FYB2: variants seen among roughly 807,000 people sequenced by gnomAD.
FYB2 encodes the protein FYN-binding protein 2.
A neutral mutation model predicts 94.1 loss-of-function variants in FYB2; 103 were observed. That is an observed-to-expected ratio of 1.09 (90% confidence interval 0.93 to 1.29). The LOEUF (loss-of-function observed/expected upper bound fraction) is 1.29, where lower values mean the gene tolerates loss of function less well. FYB2 is among the 50% of genes most tolerant of loss of function. The pLI is 0.00. For missense variants in FYB2, 896 were observed against 841.5 expected (o/e 1.06, Z -0.80); for synonymous variants, 293 against 287.9 (o/e 1.02, Z -0.18).
upstream of FYB2, among the ~76,000 whole-genome samples, chr1:56,819,874 A>G (rs563779672): frequency 6.6e-6 from 1 of 152,284 alleles, no homozygotes; most frequent in South Asian, 2.1e-4. Flanking sequence ...AGGAGTTAAC[A>G]TAAAGGAGCA....
chr1:56,796,541 A>G (rs186655840), intron 1 of FYB2, among the ~76,000 whole-genome samples: 64 of 152,236 alleles, frequency 4.2e-4, no homozygotes, highest in Admixed American at 1.3e-4. Flanking sequence ...CAGCTGTTAG[A>G]CAAACCTCTT....
At chr1:56,821,306 G>A (rs568912509), upstream of FYB2, among the ~76,000 whole-genome samples, 51 of 152,270 alleles carry the variant, frequency 3.3e-4, no homozygotes, top group Non-Finnish European at 6.9e-4. Flanking sequence ...GGAGGTCTGC[G>A]CATTTTGCTT....
Position 56,753,882 on chromosome 1 carries a change from G to C in FYB2, c.1184C>G (p.Pro395Arg). 4 of 1,611,522 alleles carry C rather than the reference G, an allele frequency of 2.5e-6. No homozygotes were observed. Among genetic ancestry groups the C allele is most frequent in the Non-Finnish European group, 3.4e-6 (4 of 1,178,196 alleles). ...ATATGGTTCCTTTTCTGTGTTTTTA[G>C]GTTTCAATTCACATGGTTGTTTTTC... is the stretch of plus-strand genomic sequence containing the variant. ...MKEKQPCELK[P>R]KNTEKEPYSN... The change falls in exon 8 of 20, where the codon CCT becomes CGT. Residue 395 changes from proline (P) to arginine (R), a missense_variant. Transcript: ENST00000343433.
chr1:56,768,320 T>C (rs939165491), intron 4 of FYB2, among the ~76,000 whole-genome samples: 12 of 152,154 alleles, frequency 7.9e-5, no homozygotes, highest in African/African-American at 2.9e-4. Flanking sequence ...AGTCAGAAGG[T>C]AAGTCTGAAC....
chr1:56,780,332 A>C (rs1477050210), intron 4 of FYB2, among the ~76,000 whole-genome samples: 1 of 152,196 alleles, frequency 6.6e-6, no homozygotes, highest in Non-Finnish European at 1.5e-5. Context: ...ATCCCTCTGC[A>C]CAGAAAATGA....
intron 1 of FYB2, among the ~76,000 whole-genome samples, chr1:56,799,361 T>G (rs1291527691): frequency 6.6e-6 from 1 of 152,142 alleles, no homozygotes; most frequent in Non-Finnish European, 1.5e-5. Flanking sequence ...ATATGTCACA[T>G]TTACTTTAGA....
At chr1:56,822,885 G>A (rs116123009), upstream of FYB2, among the ~76,000 whole-genome samples, 2,832 of 151,110 alleles carry the variant, frequency 0.019, 92 homozygotes, top group African/African-American at 0.066. Context: ...GTCAGAGTTA[G>A]GCTGGTGCTG....
chr1:56,746,134 G>A (rs567571353), intron 9 of FYB2, among the ~76,000 whole-genome samples: 4 of 151,240 alleles, frequency 2.6e-5, no homozygotes, highest in Non-Finnish European at 5.9e-5. Context: ...ATTATTTATT[G>A]TCCGTCTCCT....
chr1:56,759,912 C>T (rs373007735), intron 5 of FYB2, among the ~76,000 whole-genome samples: 2 of 152,044 alleles, frequency 1.3e-5, no homozygotes, highest in East Asian at 3.9e-4. Context: ...GAAACACTAT[C>T]TCCACTAAAA....
At chr1:56,808,486 A>G (rs1013683364) in intron 1 of FYB2, among the ~76,000 whole-genome samples, 1 of 152,184 alleles carries the variant, frequency 6.6e-6, no homozygotes, top group African/African-American at 2.4e-5. Flanking sequence ...TACTCCAAGA[A>G]CTTACAAAGC....
At chr1:56,754,855 T>G (rs1645286282) in intron 7 of FYB2, among the ~76,000 whole-genome samples, 1 of 152,064 alleles carries the variant, frequency 6.6e-6, no homozygotes. Flanking sequence ...AACTAAATAA[T>G]GAATCATTTG....
chr1:56,746,302 G>A (rs1365703996), intron 9 of FYB2, among the ~76,000 whole-genome samples: 1 of 151,918 alleles, frequency 6.6e-6, no homozygotes, highest in Non-Finnish European at 1.5e-5. Flanking sequence ...TGAATTTAGT[G>A]CATTACATTT....
intron 8 of FYB2, among the ~76,000 whole-genome samples, chr1:56,753,617 A>G (rs1397278478): frequency 6.6e-6 from 1 of 152,106 alleles, no homozygotes; most frequent in Non-Finnish European, 1.5e-5. Flanking sequence ...GACTTAATCT[A>G]GTCCCAGCCC....
rs931452250 is a variant in FYB2 at position 56,730,350 on chromosome 1, G to A, written c.1794-3767C>T. On this transcript the variant is annotated intron_variant, in intron 15 of 19. Coordinates refer to ENST00000343433, the MANE Select transcript of FYB2 (RefSeq NM_001004303.5). The stretch of plus-strand genomic sequence containing the variant: ...GGAGGGGAGGGGAGAGGGAAGGGGA[G>A]AAGGAAAGGTAAACGGGAGGAGAGG... Among the ~76,000 whole-genome samples the A allele has an allele frequency of 7.8e-5, 9 of 115,398 alleles. 1 individual carries two copies. The highest frequency in any genetic ancestry group is 3.0e-4 in the African/African-American group (9 of 30,268). 75.7% of individuals were successfully genotyped at this position (115,398 alleles called of 152,430 possible).
chr1:56,778,130 C>G (rs951184440), intron 4 of FYB2, among the ~76,000 whole-genome samples: 2 of 152,096 alleles, frequency 1.3e-5, no homozygotes, highest in Admixed American at 6.6e-5. Context: ...GAAGACTTGG[C>G]AAAGGCTGCT....
intron 1 of FYB2, among the ~76,000 whole-genome samples, chr1:56,818,846 G>A (rs571679801): frequency 6.6e-6 from 1 of 152,152 alleles, no homozygotes; most frequent in African/African-American, 2.4e-5. Flanking sequence ...CCACAAAAGA[G>A]CAATGCACAG....
chr1:56,804,750 CATAA>C (rs1283903295), intron 1 of FYB2, among the ~76,000 whole-genome samples: 8 of 100,460 alleles, frequency 8.0e-5, no homozygotes, highest in Non-Finnish European at 1.7e-4. Context: ...TAAATAAATA[CATAA>C]ATAAATAAAT....
intron 1 of FYB2, among the ~76,000 whole-genome samples, chr1:56,797,778 A>G (rs927881185): frequency 3.3e-5 from 5 of 152,196 alleles, no homozygotes; most frequent in African/African-American, 1.2e-4. Context: ...CATATTTACA[A>G]TAACAGGTTT....
At chr1:56,826,093 C>A in the FYB2 span, among the ~76,000 whole-genome samples, 3 of 152,228 alleles carry the variant, frequency 2.0e-5, no homozygotes, top group African/African-American at 7.2e-5. Flanking sequence ...TAGGCATAAT[C>A]TTTGCATCAA....
Sources: gnomAD v4.1 joint callset for allele counts (sites outside exome capture counted in the v4.1 genomes callset) on GRCh38, gnomAD v4.1.1 for gene constraint, MANE v1.5 for transcripts, NCBI Gene and HGNC (gene_info 2026-07-23, HGNC 2026-07-21) for gene names.